Variants in SLC26A4 observed in about 807,000 individuals in gnomAD.
SLC26A4 encodes pendrin.
A neutral mutation model predicts 90.4 loss-of-function variants in SLC26A4; 93 were observed. The observed-to-expected ratio is 1.03, with a 90% confidence interval of 0.87 to 1.22. The LOEUF (loss-of-function observed/expected upper bound fraction) is 1.22. Ranked by LOEUF, SLC26A4 falls within the 50% of genes most tolerant of loss-of-function variation. SLC26A4 has a pLI of 0.00. For missense variants in SLC26A4, 1,127 were observed against 946.2 expected, an observed-to-expected ratio of 1.19 and a Z score of -2.51; for synonymous variants, 393 against 354.6, an observed-to-expected ratio of 1.11 and a Z score of -1.22.
chr7:107,683,547 G>C lies in SLC26A4; in HGVS notation c.1001+10G>C. ...AATCCATCCCAAGGGGGTGAGTGTG[G>C]TGTTCCTCTTAGTACTAATACATTA... On this transcript the variant is annotated intron_variant, in intron 8 of 20. Transcript: ENST00000644269. 1 of 1,610,174 alleles carries C rather than the reference G, an allele frequency of 6.2e-7. No individual in the cohort carries two copies. Among genetic ancestry groups the C allele is most frequent in the South Asian group, 1.1e-5 (1 of 90,998 alleles).
chr7:107,680,092 TATAATCTTATCTTATTATATAATATA>T (rs1791167093), intron 6 of SLC26A4, among the ~76,000 whole-genome samples: 1 of 94,318 alleles, frequency 1.1e-5, no homozygotes, highest in African/African-American at 4.7e-5. Context: ...TATCTTATTA[TATAATCTTATCTTATTATATAATATA>T]ATCTTATCTT....
intron 10 of SLC26A4, among the ~76,000 whole-genome samples, chr7:107,691,514 T>TACAC (rs113976786): frequency 0.014 from 1,796 of 131,012 alleles, 22 homozygotes; most frequent in African/African-American, 0.037. Context: ...AATATATATA[T>TACAC]ACACACACAC....
At chr7:107,676,916 G>A (rs1418667325) in intron 6 of SLC26A4, among the ~76,000 whole-genome samples, 1 of 152,192 alleles carries the variant, frequency 6.6e-6, no homozygotes, top group Admixed American at 6.5e-5. Context: ...GCTCATGCCT[G>A]TAATCCCAGC....
intron 3 of SLC26A4, among the ~76,000 whole-genome samples, 161 bp from the exon 4 acceptor site, chr7:107,671,977 A>C (rs1790879931): frequency 6.6e-6 from 1 of 152,246 alleles, no homozygotes; most frequent in Non-Finnish European, 1.5e-5. Flanking sequence ...AGTGAAAAAC[A>C]GAATGGTTGT....
rs1490971668 is a variant in SLC26A4 at position 107,693,365 on chromosome 7, T to C, written c.1264-1038T>C. The C allele has an allele frequency of 4.1e-6, 4 of 985,268 alleles. No individual in the cohort carries two copies. In the African/African-American group the frequency reaches 7.0e-5, roughly 17 times the overall value. The allele number at this position is 985,268 out of a possible 1,614,324, so 61.0% of individuals were successfully genotyped here. Reference sequence around the variant, plus strand: ...CAGGCTGACCCAACTATAATCTAAATATAAATGATCAATTTGCCAGGTAGA... The same window carrying C: ...CAGGCTGACCCAACTATAATCTAAACATAAATGATCAATTTGCCAGGTAGA... On this transcript the variant is annotated intron_variant, in intron 10 of 20. Transcript: ENST00000644269.
At chr7:107,710,453 G>C (rs771698873) in intron 19 of SLC26A4, among the ~76,000 whole-genome samples, 1 of 152,184 alleles carries the variant, frequency 6.6e-6, no homozygotes, top group African/African-American at 2.4e-5. Flanking sequence ...CAATGTGTAG[G>C]TTTATTAATA....
At position 107,699,853 on chromosome 7, in the gene SLC26A4, AG is replaced by A. The variant is rs561360674; in HGVS notation, c.1615-228del. Among the ~76,000 whole-genome samples the A allele has an allele frequency of 5.3e-5, 8 of 151,706 alleles. No individual in the cohort carries two copies. In the East Asian group the frequency reaches 1.4e-3, roughly 26 times the overall value. On this transcript the variant is annotated intron_variant, in intron 14 of 20. Coordinates refer to ENST00000644269, the MANE Select transcript of SLC26A4 (RefSeq NM_000441.2). The stretch of plus-strand genomic sequence containing the variant: ...TGAGGCAGGAGAATCCCTTGAACCC[AG>A]GAGGTGGAGGTTGCAGTGAGCCGAC...
At chr7:107,707,746 T>G (rs912823457) in intron 18 of SLC26A4, among the ~76,000 whole-genome samples, 2 of 152,234 alleles carry the variant, frequency 1.3e-5, no homozygotes, top group African/African-American at 2.4e-5. Context: ...TTAACAGTGC[T>G]TCCCATATAA....
rs2129321005 is a variant in SLC26A4 at position 107,715,454 on chromosome 7, T to C, written c.*8T>C. ...CGTACACTTGCATCCTGAAAGTGGG[T>C]TCGGGAGGTCTCTATGAGCAAGGAA... On this transcript the variant is annotated 3_prime_UTR_variant, in exon 21 of 21. Coordinates refer to ENST00000644269, the MANE Select transcript of SLC26A4 (RefSeq NM_000441.2). 1 of 1,611,818 alleles carries C rather than the reference T, an allele frequency of 6.2e-7. No individual in the cohort carries two copies. Among genetic ancestry groups the C allele is most frequent in the South Asian group, 1.1e-5 (1 of 91,036 alleles).
rs142518486 is a variant in SLC26A4, at chr7:107,676,418, A to G, written c.765+1309A>G. Among the ~76,000 whole-genome samples, 28 of 152,372 alleles carry G rather than the reference A, an allele frequency of 1.8e-4. No individual in the cohort carries two copies. The East Asian group carries it at 3.3e-3, about 18-fold the overall frequency. Reference sequence around the variant, plus strand: ...TAAAATGCATAATGTAAATGTCTCAACAATTATAAATGAAAAGGAACATTA... The same window carrying G: ...TAAAATGCATAATGTAAATGTCTCAGCAATTATAAATGAAAAGGAACATTA... On this transcript the variant is annotated intron_variant, in intron 6 of 20. Transcript: ENST00000644269.
In SLC26A4 at chr7:107,661,825, G is replaced by T. The variant is rs557709290; in HGVS notation, c.164+20G>T. On this transcript the variant is annotated intron_variant, in intron 2 of 20. Coordinates refer to ENST00000644269, the MANE Select transcript of SLC26A4 (RefSeq NM_000441.2). The surrounding 1 kb of genome is among the most constrained non-coding windows in gnomAD (Gnocchi z 5.1). ...CTGCAGGTAGCGGCCGCGCGGGCCT[G>T]CGTAGAGAGAAGCGGAGCGGGGCGT... 8 of 1,530,122 alleles carry T rather than the reference G, an allele frequency of 5.2e-6. No homozygotes were observed. The African/African-American group carries it at 8.2e-5, about 16-fold the overall frequency. The allele number at this position is 1,530,122 out of a possible 1,614,324, so 94.8% of individuals were successfully genotyped here.
intron 17 of SLC26A4, among the ~76,000 whole-genome samples, chr7:107,703,718 A>G (rs1254924780): frequency 6.6e-6 from 1 of 152,252 alleles, no homozygotes; most frequent in Non-Finnish European, 1.5e-5. Flanking sequence ...ATACTTGAAC[A>G]GAGGTCTTGA....
chr7:107,689,226 G>A (rs764259192), intron 9 of SLC26A4, 26 bp downstream of exon 9: 1 of 1,611,750 alleles, frequency 6.2e-7, no homozygotes, highest in Non-Finnish European at 8.5e-7. Context: ...TGCTGAACTG[G>A]TTTTATAGGG....
At chr7:107,708,762 A>C (rs1792100297) in intron 18 of SLC26A4, among the ~76,000 whole-genome samples, 1 of 144,774 alleles carries the variant, frequency 6.9e-6, no homozygotes, top group African/African-American at 2.6e-5. Flanking sequence ...TATTACTTCC[A>C]ATTTGTGCCA....
chr7:107,667,831 C>G lies in SLC26A4; in HGVS notation c.305-4307C>G, dbSNP rs537428352. ...TTCTTCCATTTTCAAAGGAAGATAG[C>G]CCAAATGGTGCAGATGCAGACGGGT... On this transcript the variant is annotated intron_variant, in intron 3 of 20. Transcript: ENST00000644269. Among the ~76,000 whole-genome samples, 13 of 152,194 alleles carry G rather than the reference C, an allele frequency of 8.5e-5. No homozygotes were observed. The East Asian group carries it at 2.5e-3, about 29-fold the overall frequency.
chr7:107,664,780 G>A (rs1790664398), intron 3 of SLC26A4, among the ~76,000 whole-genome samples: 1 of 152,114 alleles, frequency 6.6e-6, no homozygotes, highest in African/African-American at 2.4e-5. Flanking sequence ...GTGCCTAGCA[G>A]CATGGCATTC....
At chr7:107,692,144 C>A in intron 10 of SLC26A4, 1 of 1,185,834 alleles carries the variant, frequency 8.4e-7, no homozygotes, top group Non-Finnish European at 1.1e-6. Context: ...CTCTGGTAAG[C>A]TAATACCCCC....
intron 10 of SLC26A4, chr7:107,692,884 GC>G: frequency 6.6e-6 from 1 of 152,210 alleles, no homozygotes; most frequent in East Asian, 1.9e-4. Context: ...TAATATAGTG[GC>G]CAAAATGAGC....
rs761210511 is a variant in SLC26A4, at chr7:107,674,193, G to A, written c.445G>A (p.Gly149Arg). Residue 149 changes from glycine to arginine, a missense_variant, in exon 5 of 21, where the codon GGA becomes AGA. Transcript: ENST00000644269. ...TTTTCCAGTGGTGAGTTTAATGGTG[G>A]GATCTGTTGTTCTGAGCATGGCCCC... ...GPFPVVSLMV[G>R]SVVLSMAPDE... is the part of the protein sequence containing the mutation. 2 of 1,614,072 alleles carry A rather than the reference G, an allele frequency of 1.2e-6. No homozygotes were observed. Among genetic ancestry groups the A allele is most frequent in the South Asian group, 1.1e-5 (1 of 91,084 alleles).
Sources: allele counts gnomAD v4.1 joint callset (sites outside exome capture counted in the v4.1 genomes callset), GRCh38; gene constraint gnomAD v4.1.1; non-coding constraint Gnocchi (gnomAD v3.1); transcripts MANE v1.5; gene names NCBI Gene and HGNC (gene_info 2026-07-23, HGNC 2026-07-21).